Variants in JAZF1 observed in about 807,000 individuals in gnomAD.
The protein encoded by JAZF1 is juxtaposed with another zinc finger protein 1.
In JAZF1, 8 loss-of-function variants were observed where a neutral mutation model predicts 26.4. That is an observed-to-expected ratio of 0.30 (90% CI 0.18 to 0.55). The LOEUF is 0.55. Among genes scored for constraint, JAZF1 ranks in the 20% least tolerant of loss-of-function variants. JAZF1 has a pLI of 0.94. For missense variants in JAZF1, 199 were observed against 322.0 expected, an observed-to-expected ratio of 0.62 and a Z score of 2.92; for synonymous variants, 126 against 122.3, an observed-to-expected ratio of 1.03 and a Z score of -0.20.
In JAZF1 at chr7:27,912,731, ACAGAACATGTGGCC is replaced by A. The variant is rs762019471; in HGVS notation, c.189-17329_189-17316del. Among the ~76,000 whole-genome samples the A allele has an allele frequency of 1.4e-3, 211 of 152,242 alleles. 3 individuals are homozygous for A. Among genetic ancestry groups the A allele is most frequent in the African/African-American group, 4.6e-3 (190 of 41,526 alleles). ...TACAATGGGGCTTGGGTGACTATTTACAGAACATGTGGCCCAGAGCATGTGGCCCTACAATGCAG... is the reference window on the plus strand; with the variant it reads ...TACAATGGGGCTTGGGTGACTATTTACAGAGCATGTGGCCCTACAATGCAG... On this transcript the variant is annotated intron_variant, in intron 2 of 4. Coordinates refer to ENST00000283928, the MANE Select transcript of JAZF1 (RefSeq NM_175061.4).
chr7:28,120,643 G>A (rs1562594422), intron 1 of JAZF1, among the ~76,000 whole-genome samples: 1 of 151,196 alleles, frequency 6.6e-6, no homozygotes, highest in Admixed American at 6.6e-5. Context: ...GAGTAGCTGG[G>A]ATTTTCATTT....
At position 28,095,342 on chromosome 7, in the gene JAZF1, A is replaced by C. The variant is rs186421497; in HGVS notation, c.115+85121T>G. Among the ~76,000 whole-genome samples, 5 of 152,278 alleles carry C rather than the reference A, an allele frequency of 3.3e-5. No homozygotes were observed. The East Asian group carries it at 9.7e-4, about 29-fold the overall frequency. ...CAGCATTATCGGGGAGGCCTCAGGA[A>C]ACTTACGATCATGGCGGATGGTGAA... is the stretch of plus-strand genomic sequence containing the variant. On this transcript the variant is annotated intron_variant, in intron 1 of 4. Coordinates refer to ENST00000283928, the MANE Select transcript of JAZF1 (RefSeq NM_175061.4).
chr7:27,906,736 A>G (rs576836491), intron 2 of JAZF1, among the ~76,000 whole-genome samples: 62 of 152,322 alleles, frequency 4.1e-4, no homozygotes, highest in African/African-American at 1.4e-3. Flanking sequence ...GACCAATGGA[A>G]TATCTTTCTC....
At chr7:27,966,251 T>G (rs1785273472) in intron 2 of JAZF1, among the ~76,000 whole-genome samples, 1 of 152,256 alleles carries the variant, frequency 6.6e-6, no homozygotes, top group Non-Finnish European at 1.5e-5. Context: ...CTTGCACAGA[T>G]GCTGGGTTTG....
At chr7:28,123,752 G>T (rs988040372) in intron 1 of JAZF1, among the ~76,000 whole-genome samples, 1 of 152,160 alleles carries the variant, frequency 6.6e-6, no homozygotes, top group Admixed American at 6.5e-5. Flanking sequence ...GGAAATAAGG[G>T]TCTTAAAATC....
intron 1 of JAZF1, among the ~76,000 whole-genome samples, chr7:28,125,191 C>CTTTTT (rs1782675756): frequency 7.0e-6 from 1 of 142,440 alleles, no homozygotes; most frequent in Non-Finnish European, 1.5e-5. Context: ...AAGGCCTTCA[C>CTTTTT]AAAAATATTA....
chr7:28,124,645 T>C (rs1188404567), intron 1 of JAZF1, among the ~76,000 whole-genome samples: 1 of 152,116 alleles, frequency 6.6e-6, no homozygotes, highest in Non-Finnish European at 1.5e-5. Flanking sequence ...CAAAGTGGAG[T>C]ATAAAATATG....
intron 1 of JAZF1, among the ~76,000 whole-genome samples, chr7:28,069,793 A>G (rs1783946386): frequency 6.6e-6 from 1 of 152,134 alleles, no homozygotes; most frequent in Non-Finnish European, 1.5e-5. Flanking sequence ...GGTCTGCAGC[A>G]TTCACCATGC....
intron 3 of JAZF1, among the ~76,000 whole-genome samples, chr7:27,885,377 TAAC>T (rs1255304319): frequency 1.3e-5 from 2 of 152,234 alleles, no homozygotes; most frequent in African/African-American, 4.8e-5. Flanking sequence ...TTTACTAAAA[TAAC>T]AACCAGGATA....
At chr7:27,841,656 C>G (rs937558609) in intron 3 of JAZF1, 4 of 152,198 alleles carry the variant, frequency 2.6e-5, no homozygotes, top group Non-Finnish European at 4.4e-5. Context: ...TTCCTAAGGG[C>G]TAAGAGCTCT....
chr7:27,960,145 G>A (rs766562498), intron 2 of JAZF1, among the ~76,000 whole-genome samples: 2 of 152,156 alleles, frequency 1.3e-5, no homozygotes, highest in Non-Finnish European at 2.9e-5. Context: ...AGAGAAAAAC[G>A]CAAACTTCAG....
intron 1 of JAZF1, among the ~76,000 whole-genome samples, chr7:28,162,211 C>T (rs951120350): frequency 5.9e-5 from 9 of 152,330 alleles, no homozygotes; most frequent in African/African-American, 1.9e-4. Context: ...TATAGCTAGG[C>T]CATGCTGAGG....
intron 1 of JAZF1, among the ~76,000 whole-genome samples, chr7:28,120,501 C>CTTTTTTTTTTTTTTTTTTGTT (rs1782583087): frequency 1.7e-5 from 1 of 59,004 alleles, no homozygotes; most frequent in Non-Finnish European, 2.8e-5. Context: ...ACACACAGTT[C>CTTTTTTTTTTTTTTTTTTGTT]TTTTTTTTTT....
chr7:27,891,635 T>C (rs1013001332), intron 3 of JAZF1, among the ~76,000 whole-genome samples: 16 of 151,520 alleles, frequency 1.1e-4, no homozygotes, highest in Admixed American at 1.0e-3. Context: ...AAGACCAGCC[T>C]GGGCAACATA....
intron 1 of JAZF1, among the ~76,000 whole-genome samples, chr7:28,016,232 G>A (rs542159582): frequency 6.6e-6 from 1 of 152,182 alleles, no homozygotes; most frequent in Non-Finnish European, 1.5e-5. Context: ...TGCCTCTGAG[G>A]TCAGCCTGGA....
At chr7:28,051,752 T>C (rs1191413316) in intron 1 of JAZF1, among the ~76,000 whole-genome samples, 3 of 152,168 alleles carry the variant, frequency 2.0e-5, no homozygotes, top group South Asian at 4.1e-4. Context: ...AACAGTGCTA[T>C]AAATAACACA....
chr7:27,875,681 G>A (rs990532099), intron 3 of JAZF1, among the ~76,000 whole-genome samples: 6 of 152,284 alleles, frequency 3.9e-5, no homozygotes, highest in Middle Eastern at 3.4e-3. Flanking sequence ...CTCTGAGCTC[G>A]TCCCTATCAG....
intron 1 of JAZF1, among the ~76,000 whole-genome samples, chr7:28,075,198 T>C (rs1784032109): frequency 6.6e-6 from 1 of 152,148 alleles, no homozygotes; most frequent in Non-Finnish European, 1.5e-5. Context: ...TAACAGCATC[T>C]ACCCCACAGG....
intron 1 of JAZF1, among the ~76,000 whole-genome samples, chr7:28,172,728 T>C (rs1375188751): frequency 2.6e-5 from 4 of 152,146 alleles, no homozygotes; most frequent in Non-Finnish European, 5.9e-5. Context: ...ACTGCAATTC[T>C]CTCTCTGACC....
Sources: allele counts gnomAD v4.1 joint callset (sites outside exome capture counted in the v4.1 genomes callset), GRCh38; gene constraint gnomAD v4.1.1; transcripts MANE v1.5; gene names NCBI Gene and HGNC (gene_info 2026-07-23, HGNC 2026-07-21).